CAPN5: variants seen among roughly 807,000 people sequenced by gnomAD.
CAPN5 encodes calpain-5.
Under a neutral mutation model 73.0 loss-of-function variants are expected in CAPN5, and 54 were observed. That is an observed-to-expected ratio of 0.74 (90% CI 0.59 to 0.93). The LOEUF (loss-of-function observed/expected upper bound fraction) is 0.93. Among genes scored for constraint, CAPN5 ranks in the 40% least tolerant of loss-of-function variants. The pLI is 0.00. For missense variants in CAPN5, 785 were observed against 882.9 expected, an observed-to-expected ratio of 0.89 and a Z score of 1.41; for synonymous variants, 335 against 356.9, an observed-to-expected ratio of 0.94 and a Z score of 0.69.
rs1949849145 is a variant in CAPN5, at chr11:77,067,068, C to T, written c.-62C>T. The T allele has an allele frequency of 6.6e-6, 1 of 152,178 alleles. No homozygotes were observed. The highest frequency in any genetic ancestry group is 1.5e-5 in the Non-Finnish European group (1 of 68,074). 9.4% of individuals were successfully genotyped at this position (152,178 alleles called of 1,614,324 possible). A position where few individuals can be genotyped will look rare whatever the true frequency, so the allele number is the denominator to read the frequency against. On this transcript the variant is annotated 5_prime_UTR_variant, in exon 1 of 13. Transcript: ENST00000648180. ...GCGCCGTGCCCTGCATCCCGGGAGC[C>T]CGGCTGGACCCGCGGCGGCTCGGCC... is the stretch of plus-strand genomic sequence containing the variant.
intron 2 of CAPN5, among the ~76,000 whole-genome samples, chr11:77,087,449 C>T (rs967643186): frequency 2.0e-5 from 3 of 152,186 alleles, no homozygotes; most frequent in Admixed American, 6.5e-5. Flanking sequence ...CCTCCAGCTC[C>T]TTCTCTGAGT....
At chr11:77,097,269 A>G (rs1950219682) in intron 3 of CAPN5, among the ~76,000 whole-genome samples, 3 of 152,078 alleles carry the variant, frequency 2.0e-5, no homozygotes, top group Admixed American at 2.0e-4. Flanking sequence ...TGACCGGGTT[A>G]TATTAGCAGT....
chr11:77,108,286 G>A (rs190101986), intron 3 of CAPN5, among the ~76,000 whole-genome samples: 31 of 152,316 alleles, frequency 2.0e-4, no homozygotes, highest in African/African-American at 6.5e-4. Flanking sequence ...GGAAAAGAGA[G>A]CCATGCTGGG....
intron 5 of CAPN5, 123 bp downstream of exon 5, chr11:77,114,557 G>C (rs782158225): frequency 6.7e-6 from 6 of 892,352 alleles, no homozygotes; most frequent in Non-Finnish European, 1.1e-5. Flanking sequence ...CAGCCTCGTG[G>C]GGGAGGGGAG....
In CAPN5 at chr11:77,084,527, G is replaced by T. The variant is rs1387149437; in HGVS notation, c.-35-325G>T. Among the ~76,000 whole-genome samples, 4 of 152,330 alleles carry T rather than the reference G, an allele frequency of 2.6e-5. No individual in the cohort carries two copies. In the East Asian group the frequency reaches 7.7e-4, roughly 29 times the overall value. On this transcript the variant is annotated intron_variant, in intron 1 of 12. Transcript: ENST00000648180. ...AGCTGGCAGGGCTGGCCACTGGTCT[G>T]ATTCCGTCTGAGGAGGTGTAGGGAA...
chr11:77,080,152 A>G (rs1357784271), intron 1 of CAPN5, among the ~76,000 whole-genome samples: 2 of 152,178 alleles, frequency 1.3e-5, no homozygotes, highest in African/African-American at 4.8e-5. Context: ...GTCATATATC[A>G]GGTGTCCTTA....
intron 2 of CAPN5, among the ~76,000 whole-genome samples, chr11:77,090,165 G>A (rs1466267959): frequency 2.0e-5 from 3 of 152,174 alleles, no homozygotes; most frequent in Non-Finnish European, 2.9e-5. Flanking sequence ...GGATTCCAGA[G>A]CAGACTCCAG....
chr11:77,103,770 C>T (rs1385310611), intron 3 of CAPN5, among the ~76,000 whole-genome samples: 2 of 152,224 alleles, frequency 1.3e-5, no homozygotes, highest in South Asian at 2.1e-4. Context: ...ACGGGGAGTC[C>T]AGCAAGCCGG....
intron 3 of CAPN5, among the ~76,000 whole-genome samples, chr11:77,111,293 C>T (rs1950407834): frequency 6.6e-6 from 1 of 152,156 alleles, no homozygotes; most frequent in Non-Finnish European, 1.5e-5. Context: ...GAGTGGTCCA[C>T]AGTGCCAAGG....
chr11:77,105,064 G>A (rs1043825338), intron 3 of CAPN5, among the ~76,000 whole-genome samples: 1 of 151,782 alleles, frequency 6.6e-6, no homozygotes, highest in African/African-American at 2.4e-5. Context: ...GTGTGCAGTG[G>A]CCCTGCCCTT....
chr11:77,120,954 T>G, intron 10 of CAPN5, 45 bp downstream of exon 10: 1 of 1,562,542 alleles, frequency 6.4e-7, no homozygotes, highest in South Asian at 1.2e-5. Flanking sequence ...GGAGTGACAT[T>G]CACACTGGGC....
rs1555041516 is a variant in CAPN5 at position 77,115,377 on chromosome 11, A to C, written c.700-18A>C. The C allele has an allele frequency of 6.3e-7, 1 of 1,586,666 alleles. No homozygotes were observed. The highest frequency in any genetic ancestry group is 2.3e-5 in the East Asian group (1 of 44,300). The stretch of plus-strand genomic sequence containing the variant: ...CCAGTGTGGCCCTGCCTCTCTGAGC[A>C]ACTGTGTCCCTCCACAGGCAGTGAC... On this transcript the variant is annotated intron_variant, in intron 5 of 12. Transcript: ENST00000648180.
intron 10 of CAPN5, among the ~76,000 whole-genome samples, chr11:77,121,647 T>C (rs1465820237): frequency 6.6e-6 from 1 of 152,194 alleles, no homozygotes; most frequent in African/African-American, 2.4e-5. Flanking sequence ...TTTGCAGGGA[T>C]TAGGAATCAC....
chr11:77,114,287 C>T lies in CAPN5; in HGVS notation c.552C>T (p.Asp184=), dbSNP rs371632041. The T allele has an allele frequency of 1.3e-5, 21 of 1,614,106 alleles. No homozygotes were observed. Among genetic ancestry groups the T allele is most frequent in the African/African-American group, 1.2e-4 (9 of 74,928 alleles). ...CCCTGGATGGAGGCAACACAGCAGACGCACTGGTGGACTTCACGGGTGGTG... is the reference window on the plus strand; with the variant it reads ...CCCTGGATGGAGGCAACACAGCAGATGCACTGGTGGACTTCACGGGTGGTG... ...YQALDGGNTA[D]ALVDFTGGVS... Residue 184 remains aspartate (D), a synonymous_variant, in exon 5 of 13, where the codon GAC becomes GAT. Transcript: ENST00000648180.
chr11:77,080,401 G>A (rs1302128810), intron 1 of CAPN5, among the ~76,000 whole-genome samples: 1 of 152,184 alleles, frequency 6.6e-6, no homozygotes, highest in African/African-American at 2.4e-5. Context: ...CCCTGGGGCT[G>A]ATGCTGGCTC....
At chr11:77,067,524 C>CT (rs1565251176) in intron 1 of CAPN5, among the ~76,000 whole-genome samples, 1 of 152,024 alleles carries the variant, frequency 6.6e-6, no homozygotes, top group African/African-American at 2.4e-5. Flanking sequence ...CCACCCAGGC[C>CT]TGGGGAAGGG....
In CAPN5 at chr11:77,114,377, C is replaced by T. The variant is rs2135477528; in HGVS notation, c.642C>T (p.Leu214=). ...ACGATGAGACTAAGAGGAACCAGCT[C>T]TTTGAGCGCATGTTAAAGGTGCACA... ...FANDETKRNQ[L]FERMLKVHSR... is the part of the protein sequence containing the mutation. Residue 214 remains leucine, a synonymous_variant, in exon 5 of 13, where the codon CTC becomes CTT. Coordinates refer to ENST00000648180, the MANE Select transcript of CAPN5 (RefSeq NM_004055.5). 2 of 1,614,208 alleles carry T rather than the reference C, an allele frequency of 1.2e-6. No homozygotes were observed. Among genetic ancestry groups the T allele is most frequent in the Middle Eastern group, 1.6e-4 (1 of 6,062 alleles).
At position 77,103,293 on chromosome 11, in the gene CAPN5, G is replaced by A. The variant is rs782432970; in HGVS notation, c.298-9296G>A. 31 of 1,612,274 alleles carry A rather than the reference G, an allele frequency of 1.9e-5. No individual in the cohort carries two copies. Among genetic ancestry groups the A allele is most frequent in the Non-Finnish European group, 2.5e-5 (29 of 1,179,504 alleles). Reference sequence around the variant, plus strand: ...CACCTTTGGCGAGGGTGTGGAGCCCGCCAACCTCAAGGCCTCCGTGGTTTT... The same window carrying A: ...CACCTTTGGCGAGGGTGTGGAGCCCACCAACCTCAAGGCCTCCGTGGTTTT... On this transcript the variant is annotated intron_variant, in intron 3 of 12. Transcript: ENST00000648180.
Position 77,119,098 on chromosome 11 carries a change from T to TAC in CAPN5, c.1237_1238dup (p.Arg415AlafsTer105). ...GCATCCAGCAGCGGCCAAAGCGGTCTACGCGCCGGGAGGGCAAGGGTGAGA... is the reference window on the plus strand; with the variant it reads ...GCATCCAGCAGCGGCCAAAGCGGTCTACACGCGCCGGGAGGGCAAGGGTGAGA... On this transcript the variant is annotated frameshift_variant, in exon 9 of 13. Coordinates refer to ENST00000648180, the MANE Select transcript of CAPN5 (RefSeq NM_004055.5). LOFTEE classifies it high-confidence loss of function. 6.2e-7 allele frequency: 1 copy of TAC among 1,614,070 alleles called. No individual in the cohort carries two copies. The highest frequency in any genetic ancestry group is 1.1e-5 in the South Asian group (1 of 91,022).
Sources: gnomAD v4.1 joint callset for allele counts (sites outside exome capture counted in the v4.1 genomes callset) on GRCh38, gnomAD v4.1.1 for gene constraint, MANE v1.5 for transcripts, NCBI Gene and HGNC (gene_info 2026-07-23, HGNC 2026-07-21) for gene names.